The following ALG12 variants were observed in gnomAD, a reference collection of about 807,000 sequenced individuals.
ALG12 encodes the protein ALG12 alpha-1,6-mannosyltransferase, also known as dol-P-Man:Man(7)GlcNAc(2)-PP-Dol alpha-1,6-mannosyltransferase.
In ALG12, 36 loss-of-function variants were observed where a neutral mutation model predicts 46.0. The observed-to-expected ratio is 0.78, with a 90% confidence interval of 0.60 to 1.03. The LOEUF (loss-of-function observed/expected upper bound fraction) is 1.03, where lower values mean the gene tolerates loss of function less well. Ranked by LOEUF, ALG12 falls within the 50% of genes least tolerant of loss-of-function variation. The pLI, the probability that ALG12 is intolerant of heterozygous loss-of-function variation, is 0.00. For missense variants in ALG12, 599 were observed against 633.5 expected, an observed-to-expected ratio of 0.95 and a Z score of 0.58; for synonymous variants, 326 against 291.6, an observed-to-expected ratio of 1.12 and a Z score of -1.20.
chr22:49,871,791 G>A, the ALG12 span, among the ~76,000 whole-genome samples: 1 of 147,478 alleles, frequency 6.8e-6, no homozygotes, highest in Non-Finnish European at 1.5e-5. Context: ...GTCTTACTCT[G>A]TCGCCCAGGG....
the ALG12 span, among the ~76,000 whole-genome samples, chr22:49,859,974 C>T: frequency 7.0e-6 from 1 of 143,108 alleles, no homozygotes; most frequent in African/African-American, 2.7e-5. Context: ...CCAGTCTAGG[C>T]AGCATGGCAG....
the ALG12 span, chr22:49,886,835 C>CT: frequency 6.2e-7 from 1 of 1,614,002 alleles, no homozygotes; most frequent in Non-Finnish European, 8.5e-7. The surrounding 1 kb of genome is among the most constrained non-coding windows in gnomAD (Gnocchi z 7.7). Flanking sequence ...TCGAAAGACT[C>CT]TGCCGCAGAG....
chr22:49,862,738 G>T, the ALG12 span, among the ~76,000 whole-genome samples: 1 of 106,606 alleles, frequency 9.4e-6, no homozygotes, highest in Admixed American at 1.5e-4. Flanking sequence ...GTCTTGCTCT[G>T]TCGCCCAGGC....
At chr22:49,885,003 C>G in the ALG12 span, 2 of 1,613,344 alleles carry the variant, frequency 1.2e-6, no homozygotes, top group Non-Finnish European at 1.7e-6. Context: ...GCGCCATCTT[C>G]CAGCAGAATA....
At chr22:49,880,171 A>T in the ALG12 span, among the ~76,000 whole-genome samples, 1 of 152,226 alleles carries the variant, frequency 6.6e-6, no homozygotes, top group South Asian at 2.1e-4. Context: ...ACACGGCTTA[A>T]AAGAGCGGCC....
At position 49,909,576 on chromosome 22, in the gene ALG12, A is replaced by C. The variant is rs187270471; in HGVS notation, c.665-229T>G. ...GCAAGACTATCTCTAAAACAAAAAA[A>C]GAAAAAAGACACCAACTGTGTCGAG... On this transcript the variant is annotated intron_variant, in intron 5 of 9. Transcript: ENST00000330817. 4.0e-4 allele frequency among the ~76,000 whole-genome samples: 61 copies of C among 152,292 alleles called. No homozygotes were observed. In the East Asian group the frequency reaches 8.3e-3, roughly 21 times the overall value.
chr22:49,871,779 G>A, the ALG12 span, among the ~76,000 whole-genome samples: 1 of 146,728 alleles, frequency 6.8e-6, no homozygotes, highest in African/African-American at 2.5e-5. Context: ...TTTTGAGACA[G>A]AGTCTTACTC....
the ALG12 span, chr22:49,884,046 C>G: frequency 5.0e-6 from 8 of 1,604,606 alleles, no homozygotes; most frequent in Non-Finnish European, 5.1e-6. Context: ...TTATCTCTCC[C>G]CGAGACAGCA....
the ALG12 span, among the ~76,000 whole-genome samples, chr22:49,892,187 CAA>C: frequency 0.049 from 2,673 of 55,012 alleles, 23 homozygotes; most frequent in African/African-American, 0.14. Context: ...GACTCTGTCT[CAA>C]AAAAAAAAAA....
At position 49,907,897 on chromosome 22, in the gene ALG12, C is replaced by G; in HGVS notation, c.816G>C (p.Leu272=). The G allele has an allele frequency of 6.2e-7, 1 of 1,613,686 alleles. No homozygotes were observed. The highest frequency in any genetic ancestry group is 8.5e-7 in the Non-Finnish European group (1 of 1,180,010). ...WYFYSALPRG[L]GCSLLFIPLG... is the part of the protein sequence containing the mutation. ...GGGGGATGAAGAGCAGGCTGCAGCC[C>G]AGGCCGCGGGGCAGGGCTGAGTAGA... is the stretch of plus-strand genomic sequence containing the variant. The change falls in exon 7 of 10, where the codon CTG becomes CTC. Residue 272 remains leucine, a synonymous_variant. Coordinates refer to ENST00000330817, the MANE Select transcript of ALG12 (RefSeq NM_024105.4).
At chr22:49,915,163 CT>C (rs1449331451) in intron 1 of ALG12, among the ~76,000 whole-genome samples, 1 of 152,236 alleles carries the variant, frequency 6.6e-6, no homozygotes, top group Non-Finnish European at 1.5e-5. Context: ...AAAAAGAAAG[CT>C]TTAATAATTT....
intron 6 of ALG12, 85 bp downstream of exon 6, chr22:49,909,159 C>T (rs2060560888): frequency 7.4e-7 from 1 of 1,359,230 alleles, no homozygotes; most frequent in Non-Finnish European, 1.1e-6. Flanking sequence ...AAGGGAGAAG[C>T]AGCTGCTTCC....
rs2060592074 is a variant in ALG12, at chr22:49,913,499, G to A, written c.181C>T (p.Pro61Ser). ...DLEQYDHLEF[P>S]GVVPRTFLGP... ...AGGAACGTCCTGGGGACGACTCCGGGGAACTCAAGATGGTCGTACTGCGAG... is the reference window on the plus strand; with the variant it reads ...AGGAACGTCCTGGGGACGACTCCGGAGAACTCAAGATGGTCGTACTGCGAG... Residue 61 changes from proline (P) to serine (S), a missense_variant, in exon 3 of 10, where the codon CCC becomes TCC. Coordinates refer to ENST00000330817, the MANE Select transcript of ALG12 (RefSeq NM_024105.4). 1 of 1,613,982 alleles carries A rather than the reference G, an allele frequency of 6.2e-7. No homozygotes were observed. The highest frequency in any genetic ancestry group is 1.1e-5 in the South Asian group (1 of 91,086).
chr22:49,869,103 A>C, the ALG12 span, among the ~76,000 whole-genome samples: 10 of 150,822 alleles, frequency 6.6e-5, no homozygotes, highest in Middle Eastern at 3.4e-3. Flanking sequence ...AGCCTGGGCA[A>C]CAAGAGCAAA....
chr22:49,913,597 C>T lies in ALG12; in HGVS notation c.162+7G>A. 1.9e-6 allele frequency: 3 copies of T among 1,614,072 alleles called. No individual in the cohort carries two copies. The South Asian group carries it at 3.3e-5, about 18-fold the overall frequency. On this transcript the variant is annotated splice_region_variant and intron_variant, in intron 2 of 9. Transcript: ENST00000330817. ...GGTTTTCCCCAAAGACAGCAGGGGCCCCTCACCTGCTCCAGGTCTTGCCAG... is the reference window on the plus strand; with the variant it reads ...GGTTTTCCCCAAAGACAGCAGGGGCTCCTCACCTGCTCCAGGTCTTGCCAG...
intron 1 of ALG12, among the ~76,000 whole-genome samples, chr22:49,916,110 A>C (rs1466596922): frequency 6.6e-6 from 1 of 151,658 alleles, no homozygotes; most frequent in Non-Finnish European, 1.5e-5. Context: ...ATACAAAAAA[A>C]TTAGCTGGAG....
chr22:49,872,285 C>G, the ALG12 span, among the ~76,000 whole-genome samples: 1 of 152,174 alleles, frequency 6.6e-6, no homozygotes, highest in East Asian at 1.9e-4. Context: ...AAACTAGTTT[C>G]TTTGCTCATC....
the ALG12 span, chr22:49,884,380 T>A: frequency 6.2e-7 from 1 of 1,612,804 alleles, no homozygotes; most frequent in East Asian, 2.2e-5. Context: ...CTCTGACATG[T>A]CCGTTTCGGA....
intron 9 of ALG12, 56 bp downstream of exon 9, chr22:49,904,123 C>T: frequency 6.2e-7 from 1 of 1,614,082 alleles, no homozygotes; most frequent in South Asian, 1.1e-5. Context: ...CTGTCCCCCG[C>T]CCCCAAGGGG....
Sources: allele counts gnomAD v4.1 joint callset (sites outside exome capture counted in the v4.1 genomes callset), GRCh38; gene constraint gnomAD v4.1.1; non-coding constraint Gnocchi (gnomAD v3.1); transcripts MANE v1.5; gene names NCBI Gene and HGNC (gene_info 2026-07-23, HGNC 2026-07-21).